Variants in TSPAN5 observed in about 807,000 individuals in gnomAD.
TSPAN5 encodes tetraspanin 5.
TSPAN5 carries 10 observed loss-of-function variants against 37.1 expected under a neutral mutation model. That is an observed-to-expected ratio of 0.27 (90% CI 0.17 to 0.46). The LOEUF is 0.46. Among genes scored for constraint, TSPAN5 ranks in the 20% least tolerant of loss-of-function variants. The pLI is 1.00. For missense variants in TSPAN5, 195 were observed against 326.6 expected (o/e 0.60, Z 3.11); for synonymous variants, 110 against 118.9 (o/e 0.93, Z 0.48).
chr4:98,541,050 T>C (rs1754345635), intron 1 of TSPAN5, among the ~76,000 whole-genome samples: 1 of 152,206 alleles, frequency 6.6e-6, no homozygotes, highest in African/African-American at 2.4e-5. Flanking sequence ...CAGTGTGATT[T>C]TGGATAAATC....
intron 1 of TSPAN5, among the ~76,000 whole-genome samples, chr4:98,526,266 T>C (rs1264512914): frequency 1.3e-5 from 2 of 152,174 alleles, no homozygotes; most frequent in African/African-American, 4.8e-5. Flanking sequence ...AGAATACCAA[T>C]CTCAACCTAA....
intron 1 of TSPAN5, among the ~76,000 whole-genome samples, chr4:98,646,282 C>G (rs1449170517): frequency 1.3e-5 from 2 of 152,146 alleles, no homozygotes; most frequent in African/African-American, 4.8e-5. Flanking sequence ...GGATCACTGA[C>G]TCAAGTTTCA....
intron 1 of TSPAN5, among the ~76,000 whole-genome samples, chr4:98,613,113 C>T (rs1267047960): frequency 2.7e-5 from 4 of 150,160 alleles, no homozygotes; most frequent in African/African-American, 9.9e-5. Context: ...TAAGTCACAA[C>T]ACATCTGGGT....
intron 1 of TSPAN5, among the ~76,000 whole-genome samples, chr4:98,591,186 T>C (rs896281569): frequency 6.6e-6 from 1 of 150,810 alleles, no homozygotes; most frequent in Admixed American, 6.6e-5. Context: ...GTAAACACTT[T>C]CAATAAGTTG....
At chr4:98,611,886 G>A (rs907077867) in intron 1 of TSPAN5, among the ~76,000 whole-genome samples, 2 of 152,250 alleles carry the variant, frequency 1.3e-5, no homozygotes, top group Non-Finnish European at 2.9e-5. Flanking sequence ...CTGGGCCGTG[G>A]AGGGTGGCGA....
intron 1 of TSPAN5, among the ~76,000 whole-genome samples, chr4:98,582,520 T>TTTGCCACACGTTGAC (rs1333412953): frequency 4.6e-5 from 7 of 152,218 alleles, no homozygotes; most frequent in African/African-American, 1.7e-4. Context: ...AAAACAGGCA[T>TTTGCCACACGTTGAC]TTGCCACACG....
intron 1 of TSPAN5, among the ~76,000 whole-genome samples, chr4:98,637,025 T>G (rs1286305743): frequency 6.6e-6 from 1 of 152,136 alleles, no homozygotes; most frequent in Non-Finnish European, 1.5e-5. Flanking sequence ...CCCTCCCCCT[T>G]GGTAGGGAGC....
intron 1 of TSPAN5, among the ~76,000 whole-genome samples, chr4:98,570,409 G>C (rs17027760): frequency 0.086 from 13,115 of 152,190 alleles, 823 homozygotes; most frequent in African/African-American, 0.17. Flanking sequence ...AAAGACCACA[G>C]ATTCATTCAG....
intron 1 of TSPAN5, among the ~76,000 whole-genome samples, chr4:98,646,799 A>G (rs913417635): frequency 1.3e-5 from 2 of 152,202 alleles, no homozygotes; most frequent in Non-Finnish European, 2.9e-5. Flanking sequence ...AATGATTCTG[A>G]AAGAAGGGAA....
intron 2 of TSPAN5, among the ~76,000 whole-genome samples, chr4:98,499,224 G>A (rs555349575): frequency 2.0e-5 from 3 of 152,236 alleles, no homozygotes; most frequent in African/African-American, 7.2e-5. Flanking sequence ...CCCAGCTTCT[G>A]CCCGGGCAGG....
intron 3 of TSPAN5, among the ~76,000 whole-genome samples, chr4:98,485,762 C>CTTTTTTTTT (rs766494512): frequency 3.5e-5 from 3 of 86,602 alleles, no homozygotes; most frequent in African/African-American, 1.4e-4. Context: ...CTTGGATATG[C>CTTTTTTTTT]TTTTTTTTTT....
chr4:98,494,818 G>A (rs1228300198), intron 2 of TSPAN5, among the ~76,000 whole-genome samples: 1 of 152,096 alleles, frequency 6.6e-6, no homozygotes, highest in Non-Finnish European at 1.5e-5. Flanking sequence ...CACAGTTGAT[G>A]ATCATGCCTA....
chr4:98,551,482 TTTTTC>T (rs1754613606), intron 1 of TSPAN5, among the ~76,000 whole-genome samples: 2 of 123,230 alleles, frequency 1.6e-5, no homozygotes, highest in East Asian at 2.6e-4. Context: ...GGTTTTTTCC[TTTTTC>T]TTTTCTTTTT....
At chr4:98,549,172 T>C (rs1296943182) in intron 1 of TSPAN5, among the ~76,000 whole-genome samples, 1 of 152,260 alleles carries the variant, frequency 6.6e-6, no homozygotes, top group African/African-American at 2.4e-5. Flanking sequence ...CAACAGTGTA[T>C]AAGCGTTCCC....
intron 1 of TSPAN5, among the ~76,000 whole-genome samples, chr4:98,548,906 T>C (rs1754535682): frequency 6.6e-6 from 1 of 152,072 alleles, no homozygotes; most frequent in Non-Finnish European, 1.5e-5. Context: ...TGTGTGTGTG[T>C]GTGTGTGTGT....
At chr4:98,576,660 G>A (rs977719743) in intron 1 of TSPAN5, among the ~76,000 whole-genome samples, 12 of 152,154 alleles carry the variant, frequency 7.9e-5, no homozygotes, top group Non-Finnish European at 1.3e-4. Flanking sequence ...AGGCTGCAGT[G>A]AGCTGTGATG....
At chr4:98,551,418 GT>G (rs71588957) in intron 1 of TSPAN5, among the ~76,000 whole-genome samples, 95,646 of 139,510 alleles carry the variant, frequency 0.69, 32,347 homozygotes, top group African/African-American at 0.75. Flanking sequence ...GAATCCTCTC[GT>G]TTTTTTTTTT....
chr4:98,542,443 T>C (rs900198064), intron 1 of TSPAN5, among the ~76,000 whole-genome samples: 16 of 150,812 alleles, frequency 1.1e-4, no homozygotes, highest in African/African-American at 3.2e-4. Flanking sequence ...AGGCTGGGCA[T>C]AGTGGCTCAT....
In TSPAN5 at chr4:98,484,146, C is replaced by T. The variant is rs918694869; in HGVS notation, c.280-1971G>A. 6 of 247,464 alleles carry T rather than the reference C, an allele frequency of 2.4e-5. No homozygotes were observed. The South Asian group carries it at 3.1e-4, about 13-fold the overall frequency. 15.3% of individuals were successfully genotyped at this position (247,464 alleles called of 1,614,324 possible). A position where few individuals can be genotyped will look rare whatever the true frequency, so the allele number is the denominator to read the frequency against. ...TATTATACATACCAAAAATTGAGTC[C>T]AAATTCAATTCATATAAAATATTTG... On this transcript the variant is annotated intron_variant, in intron 3 of 7. Transcript: ENST00000305798.
Sources: gnomAD v4.1 joint callset for allele counts (sites outside exome capture counted in the v4.1 genomes callset) on GRCh38, gnomAD v4.1.1 for gene constraint, MANE v1.5 for transcripts, NCBI Gene and HGNC (gene_info 2026-07-23, HGNC 2026-07-21) for gene names.